The following CREBL2 variants were observed in gnomAD, a reference collection of about 807,000 sequenced individuals.
The protein encoded by CREBL2 is cAMP responsive element binding protein like 2.
In CREBL2, 4 loss-of-function variants were observed where a neutral mutation model predicts 19.5. That is an observed-to-expected ratio of 0.20 (90% CI 0.10 to 0.47). The LOEUF (loss-of-function observed/expected upper bound fraction) is 0.47, where lower values mean the gene tolerates loss of function less well. Ranked by LOEUF, CREBL2 falls within the 20% of genes least tolerant of loss-of-function variation. The pLI is 0.98. For missense variants in CREBL2, 85 were observed against 145.1 expected, an observed-to-expected ratio of 0.59 and a Z score of 2.13; for synonymous variants, 42 against 46.6, an observed-to-expected ratio of 0.90 and a Z score of 0.40.
rs1320103925 is a variant in CREBL2, at chr12:12,612,013, C to T, written c.-160C>T. The T allele has an allele frequency of 3.5e-6, 3 of 857,156 alleles. No homozygotes were observed. The African/African-American group carries it at 5.0e-5, about 14-fold the overall frequency. The allele number at this position is 857,156 out of a possible 1,614,324, so 53.1% of individuals were successfully genotyped here. On this transcript the variant is annotated 5_prime_UTR_variant, in exon 1 of 4. Coordinates refer to ENST00000228865, the MANE Select transcript of CREBL2 (RefSeq NM_001310.4). ...TGCCATTCCTGAACTGGTCCCTCGT[C>T]CCCGTGACTCTGGCATCAGGGAAGC...
chr12:12,634,273 T>C (rs931052638), intron 1 of CREBL2, among the ~76,000 whole-genome samples: 16 of 152,240 alleles, frequency 1.1e-4, no homozygotes, highest in African/African-American at 3.6e-4. Flanking sequence ...TATAGTTACA[T>C]CTTGCATAAA....
intron 1 of CREBL2, chr12:12,614,320 A>G (rs1238512425): frequency 6.6e-6 from 1 of 152,624 alleles, no homozygotes; most frequent in Non-Finnish European, 1.5e-5. Flanking sequence ...TACTCAATGA[A>G]GATAAACGTT....
At chr12:12,639,220 GT>G (rs1202251720) in intron 3 of CREBL2, among the ~76,000 whole-genome samples, 1 of 152,054 alleles carries the variant, frequency 6.6e-6, no homozygotes, top group Non-Finnish European at 1.5e-5. Flanking sequence ...ATGGACATAT[GT>G]TTTTACCTCT....
intron 1 of CREBL2, among the ~76,000 whole-genome samples, chr12:12,628,983 C>T (rs1047081063): frequency 5.3e-5 from 8 of 152,224 alleles, no homozygotes; most frequent in Non-Finnish European, 5.9e-5. Flanking sequence ...GTCTGTATGT[C>T]TGTCCTTGTG....
rs528448697 is a variant in CREBL2, at chr12:12,620,265, A to T, written c.15+8078A>T. On this transcript the variant is annotated intron_variant, in intron 1 of 3. Transcript: ENST00000228865. ...TTCTTTTTTTTTTTGAGACGGTCTC[A>T]CTCTGTCACCCAGGCTGGGCACAAG... Among the ~76,000 whole-genome samples, 8 of 148,604 alleles carry T rather than the reference A, an allele frequency of 5.4e-5. No homozygotes were observed. The Admixed American group carries it at 5.4e-4, about 10-fold the overall frequency.
At chr12:12,629,378 C>T (rs934720239) in intron 1 of CREBL2, among the ~76,000 whole-genome samples, 2 of 152,020 alleles carry the variant, frequency 1.3e-5, no homozygotes, top group African/African-American at 4.8e-5. Flanking sequence ...TTTTAGGCTA[C>T]TGTAAGTGGA....
At chr12:12,615,427 C>G (rs1357449919) in intron 1 of CREBL2, 1 of 151,472 alleles carries the variant, frequency 6.6e-6, no homozygotes, top group African/African-American at 2.4e-5. Context: ...GAACTCCTGA[C>G]CTCAGGTGAT....
chr12:12,620,084 C>T (rs964519769), intron 1 of CREBL2, among the ~76,000 whole-genome samples: 11 of 152,148 alleles, frequency 7.2e-5, no homozygotes, highest in African/African-American at 2.7e-4. Context: ...AGCTACCTTC[C>T]TTGGGCCGTG....
chr12:12,631,487 A>C (rs1406057694), intron 1 of CREBL2, among the ~76,000 whole-genome samples: 2 of 152,258 alleles, frequency 1.3e-5, no homozygotes, highest in African/African-American at 2.4e-5. Context: ...TTTTCTTTGG[A>C]GTTTATGTCG....
chr12:12,636,417 A>T (rs1383065508), intron 2 of CREBL2, among the ~76,000 whole-genome samples: 1 of 148,414 alleles, frequency 6.7e-6, no homozygotes. Flanking sequence ...ATTTATTTTT[A>T]TTTTTTATTT....
chr12:12,637,122 A>G (rs2136306675), intron 2 of CREBL2, among the ~76,000 whole-genome samples: 1 of 152,316 alleles, frequency 6.6e-6, no homozygotes, highest in African/African-American at 2.4e-5. Context: ...AGTCCCTAGC[A>G]TGCACTCTGG....
rs1044404363 is a variant in CREBL2 at position 12,612,336 on chromosome 12, C to T, written c.15+149C>T. The T allele has an allele frequency of 4.2e-6, 6 of 1,434,510 alleles. No individual in the cohort carries two copies. In the Admixed American group the frequency reaches 6.2e-5, roughly 15 times the overall value. The allele number at this position is 1,434,510 out of a possible 1,614,324, so 88.9% of individuals were successfully genotyped here. ...CTCTCCAGTCCACTGCCCGATGGTA[C>T]CCAGCCAGGAAATCAGGGAACACCG... On this transcript the variant is annotated intron_variant, in intron 1 of 3. Coordinates refer to ENST00000228865, the MANE Select transcript of CREBL2 (RefSeq NM_001310.4).
intron 1 of CREBL2, among the ~76,000 whole-genome samples, chr12:12,613,990 C>CTTTTTTTTT (rs57522744): frequency 1.1e-3 from 80 of 72,908 alleles, no homozygotes; most frequent in African/African-American, 2.6e-3. Flanking sequence ...TCTTTTTTTT[C>CTTTTTTTTT]TTTTTTTTTT....
chr12:12,617,643 CTTTTTTTTTTTTTTTTTTTTTTT>C (rs66943066), intron 1 of CREBL2, among the ~76,000 whole-genome samples: 15 of 38,718 alleles, frequency 3.9e-4, no homozygotes, highest in East Asian at 2.1e-3. Context: ...TTTAGTAATT[CTTTTTTTTTTTTTTTTTTTTTTT>C]TTTTTTTTTT....
At chr12:12,628,345 T>C (rs60982774) in intron 1 of CREBL2, among the ~76,000 whole-genome samples, 5,974 of 152,292 alleles carry the variant, frequency 0.039, 235 homozygotes, top group Admixed American at 0.14. Flanking sequence ...TCCTTGCCCC[T>C]TTTTAAAATT....
chr12:12,636,084 G>T, intron 2 of CREBL2, 110 bp downstream of exon 2: 2 of 1,036,556 alleles, frequency 1.9e-6, no homozygotes, highest in Non-Finnish European at 1.4e-6. Flanking sequence ...AAACATTGGA[G>T]AGAATATTAA....
intron 1 of CREBL2, among the ~76,000 whole-genome samples, chr12:12,616,431 A>G (rs981751215): frequency 1.3e-5 from 2 of 152,226 alleles, no homozygotes; most frequent in African/African-American, 4.8e-5. Context: ...TTATTAATTC[A>G]TTGTTTTTAT....
intron 1 of CREBL2, among the ~76,000 whole-genome samples, chr12:12,621,043 G>A (rs765905816): frequency 1.3e-5 from 2 of 152,208 alleles, no homozygotes; most frequent in Non-Finnish European, 2.9e-5. Context: ...CTGTTGTAAA[G>A]CATCTTGCAC....
In CREBL2 at chr12:12,643,180, C is replaced by G. The variant is rs1034783165; in HGVS notation, c.*1182C>G. 3.9e-5 allele frequency: 6 copies of G among 152,598 alleles called. No homozygotes were observed. The highest frequency in any genetic ancestry group is 5.9e-5 in the Non-Finnish European group (4 of 68,080). 9.5% of individuals were successfully genotyped at this position (152,598 alleles called of 1,614,324 possible). The stretch of plus-strand genomic sequence containing the variant: ...TTGGAACTGGAGTTGTGCACAGCAC[C>G]GCAGCTAGTGGGCCTGGCTGGGGGT... On this transcript the variant is annotated 3_prime_UTR_variant, in exon 4 of 4. Transcript: ENST00000228865.
Sources: allele counts gnomAD v4.1 joint callset (sites outside exome capture counted in the v4.1 genomes callset), GRCh38; gene constraint gnomAD v4.1.1; transcripts MANE v1.5; gene names NCBI Gene and HGNC (gene_info 2026-07-23, HGNC 2026-07-21).